Variants in TRRAP observed in about 807,000 individuals in gnomAD.
TRRAP encodes the protein transformation/transcription domain associated protein, also known as transformation/transcription domain-associated protein.
A neutral mutation model predicts 438.8 loss-of-function variants in TRRAP; 41 were observed. The ratio of observed to expected loss-of-function variants is 0.09; its 90% CI spans 0.07 to 0.12. The LOEUF (loss-of-function observed/expected upper bound fraction) is 0.12, where lower values mean the gene tolerates loss of function less well. TRRAP is among the 10% of genes least tolerant of loss of function. The probability of loss-of-function intolerance (pLI) is 1.00; values close to 1 mark genes in which losing one functional copy is unlikely to be tolerated. For synonymous variants in TRRAP, 1,994 were observed against 1,962.9 expected, an observed-to-expected ratio of 1.02 and a Z score of -0.42; for missense variants, 3,122 against 5,055.1, an observed-to-expected ratio of 0.62 and a Z score of 11.60.
intron 2 of TRRAP, 113 bp downstream of exon 2, chr7:98,881,363 A>C: frequency 2.1e-6 from 2 of 952,952 alleles, no homozygotes; most frequent in South Asian, 3.8e-5. Flanking sequence ...ACCTGATGTC[A>C]GGAGTTTGGG....
intron 18 of TRRAP, among the ~76,000 whole-genome samples, chr7:98,913,000 G>T (rs6968950): frequency 9.2e-5 from 14 of 152,132 alleles, no homozygotes; most frequent in South Asian, 8.3e-4. Context: ...AGGCAGTGCT[G>T]GGTCTTTTGC....
Position 98,922,002 on chromosome 7 carries a change from A to G in TRRAP, c.2823+49A>G, listed in dbSNP as rs201094044. The stretch of plus-strand genomic sequence containing the variant: ...TCGTTTTAAGCCTTGTGAAGATACT[A>G]TGTTTCAGTCTATGTGAAATGTTAA... On this transcript the variant is annotated intron_variant, in intron 21 of 72. Transcript: ENST00000456197. 21 of 1,610,516 alleles carry G rather than the reference A, an allele frequency of 1.3e-5. No homozygotes were observed. In the Admixed American group the frequency reaches 2.0e-4, roughly 15 times the overall value.
At chr7:98,919,139 C>A (rs1485001934) in intron 20 of TRRAP, among the ~76,000 whole-genome samples, 1 of 152,096 alleles carries the variant, frequency 6.6e-6, no homozygotes, top group East Asian at 1.9e-4. Flanking sequence ...AGGTAGTTGG[C>A]CCCAGATAGG....
chr7:99,008,136 T>A (rs1794277913), intron 69 of TRRAP, among the ~76,000 whole-genome samples: 1 of 152,240 alleles, frequency 6.6e-6, no homozygotes, highest in South Asian at 2.1e-4. Flanking sequence ...GATGTCTTTT[T>A]AAGATTGCCT....
Position 99,011,637 on chromosome 7 carries a change from C to A in TRRAP, c.11337+102C>A. On this transcript the variant is annotated intron_variant, in intron 72 of 72. Coordinates refer to ENST00000456197, the MANE Select transcript of TRRAP (RefSeq NM_001375524.1). This position sits in a 1 kb window ranked among gnomAD's most constrained non-coding sequence, Gnocchi z 7.1. Reference sequence around the variant, plus strand: ...CTGCTGATGTGCCTCACGGGCTCTGCGCTCTCCACAGTGGCCAGCACCCCT... The same window carrying A: ...CTGCTGATGTGCCTCACGGGCTCTGAGCTCTCCACAGTGGCCAGCACCCCT... 2 of 1,350,998 alleles carry A rather than the reference C, an allele frequency of 1.5e-6. No individual in the cohort carries two copies. Among genetic ancestry groups the A allele is most frequent in the Non-Finnish European group, 2.0e-6 (2 of 996,910 alleles). The allele number at this position is 1,350,998 out of a possible 1,614,324, so 83.7% of individuals were successfully genotyped here. A position where few individuals can be genotyped will look rare whatever the true frequency, so the allele number is the denominator to read the frequency against.
chr7:98,880,885 A>G (rs1038650450), intron 1 of TRRAP, among the ~76,000 whole-genome samples: 2 of 152,220 alleles, frequency 1.3e-5, no homozygotes, highest in African/African-American at 4.8e-5. Context: ...AAGGAACAGT[A>G]TCTGCATACA....
In TRRAP at chr7:98,999,512, T is replaced by C. The variant is rs567856433; in HGVS notation, c.10309+4664T>C. On this transcript the variant is annotated intron_variant, in intron 67 of 72. Coordinates refer to ENST00000456197, the MANE Select transcript of TRRAP (RefSeq NM_001375524.1). ...ATCGTGAGCTCAGAGGGAGAGACAATATTGGGGTGCACCAGGGTCTCTTGC... is the reference window on the plus strand; with the variant it reads ...ATCGTGAGCTCAGAGGGAGAGACAACATTGGGGTGCACCAGGGTCTCTTGC... The C allele has an allele frequency of 5.4e-6, 4 of 738,512 alleles. No homozygotes were observed. In the Admixed American group the frequency reaches 6.0e-5, roughly 11 times the overall value. The allele number at this position is 738,512 out of a possible 1,614,324, so 45.7% of individuals were successfully genotyped here.
At chr7:98,909,337 G>C (rs1445219231) in intron 14 of TRRAP, among the ~76,000 whole-genome samples, 1 of 152,272 alleles carries the variant, frequency 6.6e-6, no homozygotes, top group Non-Finnish European at 1.5e-5. Context: ...GGCCAAACTT[G>C]AACCAGTGCT....
chr7:98,914,718 CAAAAAAAAAAAAAAA>C (rs71118646), intron 18 of TRRAP, among the ~76,000 whole-genome samples: 2 of 41,292 alleles, frequency 4.8e-5, no homozygotes, highest in African/African-American at 1.4e-4. Flanking sequence ...GACCCTGTCT[CAAAAAAAAAAAAAAA>C]AAAAAAAAAA....
intron 40 of TRRAP, 43 bp from the exon 41 acceptor site, chr7:98,955,055 G>A (rs1791533168): frequency 6.4e-7 from 1 of 1,572,530 alleles, no homozygotes; most frequent in South Asian, 1.1e-5. Context: ...ATTTCTTAAA[G>A]CCTTCCTTCT....
intron 23 of TRRAP, among the ~76,000 whole-genome samples, chr7:98,928,198 A>G (rs964144555): frequency 6.6e-6 from 1 of 152,048 alleles, no homozygotes; most frequent in Non-Finnish European, 1.5e-5. Flanking sequence ...AGATCGTGCC[A>G]TTGTTCCAGC....
In TRRAP at chr7:98,925,257, A is replaced by G; in HGVS notation, c.2969A>G (p.His990Arg). The change falls in exon 22 of 73, where the codon CAC (histidine) becomes CGC (arginine). Residue 990 changes from histidine to arginine, a missense_variant. By Grantham distance (29) the His-to-Arg change is conservative. Transcript: ENST00000456197. ...CACGCACTCTACCAGCTCCTGGCACACCCCAAGTATGTCGGCCACTTCCTT... is the reference window on the plus strand; with the variant it reads ...CACGCACTCTACCAGCTCCTGGCACGCCCCAAGTATGTCGGCCACTTCCTT... ...NKHALYQLLA[H>R]PNFTEKTIPN... The G allele has an allele frequency of 6.2e-7, 1 of 1,613,526 alleles. No homozygotes were observed. Among genetic ancestry groups the G allele is most frequent in the Non-Finnish European group, 8.5e-7 (1 of 1,179,820 alleles).
intron 67 of TRRAP, among the ~76,000 whole-genome samples, chr7:99,002,030 A>G (rs1343932307): frequency 2.0e-5 from 3 of 151,370 alleles, no homozygotes; most frequent in African/African-American, 7.3e-5. Context: ...GCCAACTTGG[A>G]TGTGTACTGA....
intron 70 of TRRAP, among the ~76,000 whole-genome samples, chr7:99,009,882 T>C (rs923455006): frequency 9.9e-4 from 85 of 85,806 alleles, no homozygotes; most frequent in African/African-American, 4.2e-3. Flanking sequence ...ATTCTTCTCT[T>C]TTTTTTTTTT....
At chr7:98,975,353 CAG>C (rs1792609303) in intron 53 of TRRAP, among the ~76,000 whole-genome samples, 1 of 152,240 alleles carries the variant, frequency 6.6e-6, no homozygotes, top group Non-Finnish European at 1.5e-5. Context: ...GCAGCAGGGA[CAG>C]TGTGGCTGTC....
chr7:98,993,799 C>T (rs1474402440), intron 66 of TRRAP, 62 bp downstream of exon 66: 3 of 1,524,046 alleles, frequency 2.0e-6, no homozygotes, highest in African/African-American at 2.7e-5. Flanking sequence ...GTTCTGTATG[C>T]TTCTGTGGCT....
In TRRAP at chr7:98,945,780, T is replaced by A; in HGVS notation, c.4507T>A (p.Ser1503Thr). 6.3e-7 allele frequency: 1 copy of A among 1,598,346 alleles called. No homozygotes were observed. ...TTCCGAGTGCGGGAGATGTCCCTTG[T>A]CTCCATTCTGTCAGTTTGAGGTGAG... ...SISECGRCPLSPFCQFEPAME... is the reference protein window; with the variant it reads ...SISECGRCPLTPFCQFEPAME... Residue 1503 changes from serine (S) to threonine (T), a missense_variant, in exon 32 of 73, where the codon TCT becomes ACT. Ser to Thr is a moderately conservative substitution (Grantham distance 58). Transcript: ENST00000456197.
rs2116889373 is a variant in TRRAP at position 99,012,569 on chromosome 7, A to G, written c.*214A>G. ...ACGATGCTGGGCGAAGCGGTTGGAA[A>G]TGGCAGAGCTGAAACTTATTCCAAG... On this transcript the variant is annotated 3_prime_UTR_variant, in exon 73 of 73. Transcript: ENST00000456197. This position sits in a 1 kb window ranked among gnomAD's most constrained non-coding sequence, Gnocchi z 5.9. 1 of 603,562 alleles carries G rather than the reference A, an allele frequency of 1.7e-6. No individual in the cohort carries two copies. Among genetic ancestry groups the G allele is most frequent in the Non-Finnish European group, 2.8e-6 (1 of 357,462 alleles). 37.4% of individuals were successfully genotyped at this position (603,562 alleles called of 1,614,324 possible).
Position 98,984,385 on chromosome 7 carries a change from G to A in TRRAP, c.9288+27G>A, listed in dbSNP as rs1023741225. ...TGCGGACAGGACACTTGAAGAATGAGGCCAGGTGGAGATTGAGGCCAGGTG... is the reference window on the plus strand; with the variant it reads ...TGCGGACAGGACACTTGAAGAATGAAGCCAGGTGGAGATTGAGGCCAGGTG... On this transcript the variant is annotated intron_variant, in intron 61 of 72. Transcript: ENST00000456197. 3 of 1,507,380 alleles carry A rather than the reference G, an allele frequency of 2.0e-6. No individual in the cohort carries two copies. In the African/African-American group the frequency reaches 4.2e-5, roughly 21 times the overall value. The allele number at this position is 1,507,380 out of a possible 1,614,324, so 93.4% of individuals were successfully genotyped here. A position where few individuals can be genotyped will look rare whatever the true frequency, so the allele number is the denominator to read the frequency against.
Sources: gnomAD v4.1 joint callset for allele counts (sites outside exome capture counted in the v4.1 genomes callset) on GRCh38, gnomAD v4.1.1 for gene constraint, Gnocchi (gnomAD v3.1) non-coding constraint, MANE v1.5 for transcripts, NCBI Gene and HGNC (gene_info 2026-07-23, HGNC 2026-07-21) for gene names.